The following NMNAT2 variants were observed in gnomAD, a reference collection of about 807,000 sequenced individuals.
NMNAT2 encodes the protein nicotinamide nucleotide adenylyltransferase 2.
NMNAT2 carries 11 observed loss-of-function variants against 41.6 expected under a neutral mutation model. The observed-to-expected ratio is 0.26, with a 90% confidence interval of 0.17 to 0.44. NMNAT2 has a LOEUF of 0.44. Ranked by LOEUF, NMNAT2 falls within the 20% of genes least tolerant of loss-of-function variation. NMNAT2 has a pLI of 1.00. For synonymous variants in NMNAT2, 148 were observed against 151.2 expected (o/e 0.98, Z 0.16); for missense variants, 288 against 407.7 (o/e 0.71, Z 2.53).
At chr1:183,315,272 T>A (rs1466919327) in intron 1 of NMNAT2, among the ~76,000 whole-genome samples, 1 of 152,206 alleles carries the variant, frequency 6.6e-6, no homozygotes, top group Non-Finnish European at 1.5e-5. Flanking sequence ...TTCACACATA[T>A]TTTTAAAGGG....
chr1:183,337,309 G>A (rs533368831), intron 1 of NMNAT2, among the ~76,000 whole-genome samples: 1 of 152,152 alleles, frequency 6.6e-6, no homozygotes, highest in South Asian at 2.1e-4. Context: ...AAATCCTGCT[G>A]TTTACTACCT....
intron 1 of NMNAT2, among the ~76,000 whole-genome samples, chr1:183,355,219 T>C (rs681054): frequency 0.59 from 90,378 of 152,096 alleles, 27,083 homozygotes; most frequent in East Asian, 0.8. Context: ...AGAGGACTTC[T>C]GAGACTCTTC....
chr1:183,342,189 T>C (rs1330953404), intron 1 of NMNAT2, among the ~76,000 whole-genome samples: 3 of 151,956 alleles, frequency 2.0e-5, no homozygotes, highest in East Asian at 3.9e-4. Context: ...GCACTTTAGA[T>C]CTCCTAAAGA....
intron 1 of NMNAT2, among the ~76,000 whole-genome samples, chr1:183,325,940 T>A (rs994885333): frequency 6.6e-6 from 1 of 152,074 alleles, no homozygotes; most frequent in East Asian, 1.9e-4. Context: ...CCCTGCCATG[T>A]CCCTGCCACG....
chr1:183,297,199 T>C (rs1661725138), intron 1 of NMNAT2, among the ~76,000 whole-genome samples: 1 of 151,492 alleles, frequency 6.6e-6, no homozygotes, highest in African/African-American at 2.4e-5. Context: ...GTGTATCCAG[T>C]GCAGTCCAAG....
At chr1:183,388,987 G>T (rs1187937321) in intron 1 of NMNAT2, among the ~76,000 whole-genome samples, 4 of 152,162 alleles carry the variant, frequency 2.6e-5, no homozygotes, top group Non-Finnish European at 5.9e-5. Context: ...ACACGTCATG[G>T]AGCACAAGGA....
intron 1 of NMNAT2, among the ~76,000 whole-genome samples, chr1:183,380,792 G>A (rs761345570): frequency 2.6e-5 from 4 of 152,226 alleles, no homozygotes; most frequent in South Asian, 2.1e-4. Context: ...TTCGGTTGGA[G>A]TAGAATGTGA....
chr1:183,397,821 G>C (rs1021110486), intron 1 of NMNAT2, among the ~76,000 whole-genome samples: 1 of 152,164 alleles, frequency 6.6e-6, no homozygotes, highest in African/African-American at 2.4e-5. Flanking sequence ...AGCTTCATAA[G>C]TGAAAGAGAA....
chr1:183,376,049 C>T (rs1663671795), intron 1 of NMNAT2, among the ~76,000 whole-genome samples: 1 of 152,168 alleles, frequency 6.6e-6, no homozygotes, highest in African/African-American at 2.4e-5. Flanking sequence ...AATTCCCATC[C>T]TTCCAGGTAG....
At chr1:183,310,360 G>A (rs1291192040) in intron 1 of NMNAT2, among the ~76,000 whole-genome samples, 1 of 152,130 alleles carries the variant, frequency 6.6e-6, no homozygotes, top group Non-Finnish European at 1.5e-5. Flanking sequence ...TTTAGAACTA[G>A]CACCAGAGTA....
At chr1:183,365,413 C>G (rs1383540220) in intron 1 of NMNAT2, among the ~76,000 whole-genome samples, 1 of 151,812 alleles carries the variant, frequency 6.6e-6, no homozygotes, top group African/African-American at 2.4e-5. Flanking sequence ...TTTGTGGTAA[C>G]CAGCCTCCAA....
intron 1 of NMNAT2, chr1:183,304,684 A>T: frequency 2.5e-6 from 4 of 1,614,002 alleles, no homozygotes; most frequent in Non-Finnish European, 3.4e-6. Context: ...GAGAGTAACA[A>T]ACACTTCCCA....
chr1:183,373,751 G>GCAAA (rs1486866318), intron 1 of NMNAT2, among the ~76,000 whole-genome samples: 37 of 151,948 alleles, frequency 2.4e-4, no homozygotes, highest in African/African-American at 8.9e-4. Context: ...CAAAGTAGCT[G>GCAAA]GGACTACAGG....
At chr1:183,348,859 C>T (rs1459258270) in intron 1 of NMNAT2, among the ~76,000 whole-genome samples, 1 of 152,150 alleles carries the variant, frequency 6.6e-6, no homozygotes, top group Non-Finnish European at 1.5e-5. Context: ...GAAATGACAT[C>T]CCCACCAGAA....
At chr1:183,308,670 G>A (rs1662047110) in intron 1 of NMNAT2, among the ~76,000 whole-genome samples, 2 of 152,060 alleles carry the variant, frequency 1.3e-5, no homozygotes, top group Admixed American at 1.3e-4. Flanking sequence ...CACATCAGTA[G>A]GTGGGAAAAA....
chr1:183,258,384 A>G (rs990207554), intron 10 of NMNAT2, among the ~76,000 whole-genome samples: 1 of 152,136 alleles, frequency 6.6e-6, no homozygotes, highest in Non-Finnish European at 1.5e-5. Flanking sequence ...ACCTTTGCAA[A>G]ATTATGACTG....
chr1:183,312,073 G>T (rs1413118279), intron 1 of NMNAT2, among the ~76,000 whole-genome samples: 2 of 152,058 alleles, frequency 1.3e-5, no homozygotes, highest in Non-Finnish European at 2.9e-5. Flanking sequence ...GGAACTGTGA[G>T]TCCATTAAAC....
chr1:183,311,864 G>A (rs2811560), intron 1 of NMNAT2, among the ~76,000 whole-genome samples: 8,182 of 151,864 alleles, frequency 0.054, 736 homozygotes, highest in African/African-American at 0.18. Context: ...GGAGGGACTC[G>A]GTGGGAGGTA....
Position 183,364,030 on chromosome 1 carries a change from C to A in NMNAT2, c.85+54153G>T, listed in dbSNP as rs556209187. Among the ~76,000 whole-genome samples, 25 of 152,320 alleles carry A rather than the reference C, an allele frequency of 1.6e-4. No individual in the cohort carries two copies. The South Asian group carries it at 5.2e-3, about 32-fold the overall frequency. On this transcript the variant is annotated intron_variant, in intron 1 of 10. Coordinates refer to ENST00000287713, the MANE Select transcript of NMNAT2 (RefSeq NM_015039.4). ...CTGCTATCATGTGCTGTCTTTCTTT[C>A]CATTAAAGCTCAGCTCAAAGGCCAT...
Sources: allele counts gnomAD v4.1 joint callset (sites outside exome capture counted in the v4.1 genomes callset), GRCh38; gene constraint gnomAD v4.1.1; transcripts MANE v1.5; gene names NCBI Gene and HGNC (gene_info 2026-07-23, HGNC 2026-07-21).